Variants in EMILIN2 observed in about 807,000 individuals in gnomAD.
The protein encoded by EMILIN2 is elastin microfibril interfacer 2, also known as EMILIN-2.
A neutral mutation model predicts 87.1 loss-of-function variants in EMILIN2; 71 were observed. That is an observed-to-expected ratio of 0.82 (90% CI 0.67 to 0.99). The LOEUF is 0.99. Ranked by LOEUF, EMILIN2 falls within the 50% of genes least tolerant of loss-of-function variation. EMILIN2 has a pLI of 0.00. For synonymous variants in EMILIN2, 581 were observed against 563.4 expected, an observed-to-expected ratio of 1.03 and a Z score of -0.44; for missense variants, 1,407 against 1,371.8, an observed-to-expected ratio of 1.03 and a Z score of -0.40.
chr18:2,901,663 C>T (rs887825309), intron 4 of EMILIN2, among the ~76,000 whole-genome samples: 4 of 152,168 alleles, frequency 2.6e-5, no homozygotes, highest in African/African-American at 9.7e-5. Context: ...AACCTTGGCT[C>T]TTATGAAGAA....
chr18:2,901,792 T>C (rs1598503980), intron 4 of EMILIN2, among the ~76,000 whole-genome samples: 1 of 152,340 alleles, frequency 6.6e-6, no homozygotes, highest in East Asian at 1.9e-4. Context: ...TGTTAGGACT[T>C]GGTCATAAAT....
chr18:2,867,638 C>A (rs902148790), intron 2 of EMILIN2, among the ~76,000 whole-genome samples: 5 of 152,218 alleles, frequency 3.3e-5, no homozygotes, highest in Admixed American at 3.3e-4. Context: ...GTGGACACAG[C>A]ACATGTTTCA....
At chr18:2,908,798 C>T in intron 5 of EMILIN2, 145 bp from the exon 6 acceptor site, 1 of 904,422 alleles carries the variant, frequency 1.1e-6, no homozygotes, top group Non-Finnish European at 1.8e-6. Flanking sequence ...AGGGCAGTGA[C>T]AGTGGGTGCC....
At chr18:2,907,486 C>T (rs1407044717) in intron 5 of EMILIN2, among the ~76,000 whole-genome samples, 2 of 152,202 alleles carry the variant, frequency 1.3e-5, no homozygotes, top group African/African-American at 4.8e-5. Flanking sequence ...GGACTTGGGG[C>T]AGCTTCCTGA....
Position 2,892,190 on chromosome 18 carries a change from G to C in EMILIN2, c.2063G>C (p.Cys688Ser), listed in dbSNP as rs115870160. The C allele has an allele frequency of 9.5e-5, 153 of 1,607,316 alleles. 1 individual carries two copies. The East Asian group carries it at 3.3e-3, about 35-fold the overall frequency. ...CAGGTCATCTCGGAGCTGGATGCTT[G>C]TAAGGAATGCACGCAGGGGGTCCAG... The part of the protein sequence containing the change: ...QSQVISELDA[C>S]KECTQGVQRE... The change falls in exon 4 of 8, where the codon TGT (cysteine) becomes TCT (serine). Residue 688 changes from cysteine (C) to serine (S), a missense_variant. Transcript: ENST00000254528.
At chr18:2,853,667 T>C (rs2076612571) in intron 2 of EMILIN2, among the ~76,000 whole-genome samples, 1 of 152,200 alleles carries the variant, frequency 6.6e-6, no homozygotes, top group Non-Finnish European at 1.5e-5. Context: ...AGAGCCTGCC[T>C]TCAAACCCAG....
chr18:2,870,771 A>G (rs1210300541), intron 2 of EMILIN2, among the ~76,000 whole-genome samples: 2 of 152,204 alleles, frequency 1.3e-5, no homozygotes, highest in African/African-American at 4.8e-5. Flanking sequence ...GGGTGTCCAC[A>G]GGGGGTCGTA....
Position 2,908,845 on chromosome 18 carries a change from G to A in EMILIN2, c.2663-98G>A, listed in dbSNP as rs73375224. On this transcript the variant is annotated intron_variant, in intron 5 of 7. Coordinates refer to ENST00000254528, the MANE Select transcript of EMILIN2 (RefSeq NM_032048.3). ...TCTGTTTCTATAGTAGTGAAGACTC[G>A]ATTTGAACTTGTGAGGAGCAGAGGA... is the stretch of plus-strand genomic sequence containing the variant. 1.0e-4 allele frequency: 148 copies of A among 1,431,410 alleles called. No homozygotes were observed. In the African/African-American group the frequency reaches 1.9e-3, roughly 18 times the overall value. 88.7% of individuals were successfully genotyped at this position (1,431,410 alleles called of 1,614,324 possible).
chr18:2,857,952 G>A (rs1438722095), intron 2 of EMILIN2, among the ~76,000 whole-genome samples: 1 of 152,150 alleles, frequency 6.6e-6, no homozygotes, highest in Admixed American at 6.5e-5. Context: ...AGATTTGCGA[G>A]TCATTCTGTT....
chr18:2,883,133 G>C (rs954806961), intron 2 of EMILIN2, among the ~76,000 whole-genome samples: 4 of 152,192 alleles, frequency 2.6e-5, no homozygotes, highest in African/African-American at 9.7e-5. Flanking sequence ...GCTGTCGGCA[G>C]GGCCCTCTTG....
chr18:2,882,026 C>G (rs1234231219), intron 2 of EMILIN2, among the ~76,000 whole-genome samples: 1 of 152,208 alleles, frequency 6.6e-6, no homozygotes, highest in East Asian at 1.9e-4. Flanking sequence ...TAAGGCATCG[C>G]CTGAGAGAAC....
In EMILIN2 at chr18:2,913,079, C is replaced by G. The variant is rs2076949327; in HGVS notation, c.2837C>G (p.Ala946Gly). The stretch of plus-strand genomic sequence containing the variant: ...TTTCTCCCCGCAGGGGTCTTCACGG[C>G]TCCTTATGATGGGCGCTACCTGATC... ...VYNPSTGVFT[A>G]PYDGRYLITA... The change falls in exon 8 of 8, where the codon GCT becomes GGT. Residue 946 changes from alanine (A) to glycine (G), a missense_variant. By Grantham distance (60) the Ala-to-Gly change is moderately conservative (BLOSUM62 0). Transcript: ENST00000254528. 1.2e-6 allele frequency: 2 copies of G among 1,609,876 alleles called. No homozygotes were observed. Among genetic ancestry groups the G allele is most frequent in the Non-Finnish European group, 1.7e-6 (2 of 1,179,992 alleles).
At chr18:2,913,017 A>T in intron 7 of EMILIN2, 50 bp from the exon 8 acceptor site, 1 of 1,586,128 alleles carries the variant, frequency 6.3e-7, no homozygotes. Flanking sequence ...TACCATGGCA[A>T]GGGCTGTGAC....
At chr18:2,849,978 G>C (rs974496433) in intron 2 of EMILIN2, among the ~76,000 whole-genome samples, 8 of 152,112 alleles carry the variant, frequency 5.3e-5, no homozygotes, top group African/African-American at 1.9e-4. Flanking sequence ...CCAAGGTGGG[G>C]TGCAGTGGCG....
In EMILIN2 at chr18:2,848,770, G is replaced by T. The variant is rs747434494; in HGVS notation, c.257+839G>T. Reference sequence around the variant, plus strand: ...ACACATGTGATGGCTGAAATTAATTGTTTTCCACTAAGAATAAGTTGTTTG... The same window carrying T: ...ACACATGTGATGGCTGAAATTAATTTTTTTCCACTAAGAATAAGTTGTTTG... On this transcript the variant is annotated intron_variant, in intron 2 of 7. Transcript: ENST00000254528. The surrounding 1 kb of genome is among the most constrained non-coding windows in gnomAD (Gnocchi z 4.1). Among the ~76,000 whole-genome samples the T allele has an allele frequency of 1.3e-5, 2 of 152,162 alleles. No homozygotes were observed. Among genetic ancestry groups the T allele is most frequent in the Non-Finnish European group, 2.9e-5 (2 of 68,032 alleles).
intron 7 of EMILIN2, among the ~76,000 whole-genome samples, chr18:2,911,381 C>G (rs1017684312): frequency 6.6e-6 from 1 of 152,192 alleles, no homozygotes; most frequent in Non-Finnish European, 1.5e-5. Flanking sequence ...GGTCACACAC[C>G]AGTTAAACAC....
rs949789081 is a variant in EMILIN2, at chr18:2,848,096, C to T, written c.257+165C>T. ...CCGAGCGCTCGCGGGGCACCGGCCA[C>T]GCTGGGCTATTTAGGGAGTGGGTGC... On this transcript the variant is annotated intron_variant, in intron 2 of 7. Transcript: ENST00000254528. The surrounding 1 kb of genome is among the most constrained non-coding windows in gnomAD (Gnocchi z 4.1). 7.2e-5 allele frequency among the ~76,000 whole-genome samples: 11 copies of T among 152,182 alleles called. No homozygotes were observed. The highest frequency in any genetic ancestry group is 1.3e-4 in the Admixed American group (2 of 15,288).
At chr18:2,887,395 G>A (rs1165461514) in intron 3 of EMILIN2, among the ~76,000 whole-genome samples, 2 of 152,208 alleles carry the variant, frequency 1.3e-5, no homozygotes, top group Non-Finnish European at 2.9e-5. Flanking sequence ...GATCTTCAAT[G>A]TGGGAGATGG....
chr18:2,891,831 G>A lies in EMILIN2; in HGVS notation c.1704G>A (p.Leu568=), dbSNP rs1006061679. 1.2e-6 allele frequency: 2 copies of A among 1,614,108 alleles called. No individual in the cohort carries two copies. The highest frequency in any genetic ancestry group is 1.7e-6 in the Non-Finnish European group (2 of 1,180,058). ...AGCCTCATGGGATGGAAGGTGCCTT[G>A]CCAAACAGGGAAGACCGCGCAGTAC... ...QGKPHGMEGA[L]PNREDRAVRD... is the part of the protein sequence containing the mutation. The change falls in exon 4 of 8, where the codon TTG becomes TTA. Residue 568 remains leucine, a synonymous_variant. Transcript: ENST00000254528. The surrounding 1 kb of genome is among the most constrained non-coding windows in gnomAD (Gnocchi z 4.6).
Sources: allele counts gnomAD v4.1 joint callset (sites outside exome capture counted in the v4.1 genomes callset), GRCh38; gene constraint gnomAD v4.1.1; non-coding constraint Gnocchi (gnomAD v3.1); transcripts MANE v1.5; gene names NCBI Gene and HGNC (gene_info 2026-07-23, HGNC 2026-07-21).